DYSF: variants seen among roughly 807,000 people sequenced by gnomAD.
The protein encoded by DYSF is dysferlin.
A neutral mutation model predicts 274.9 loss-of-function variants in DYSF; 212 were observed. That is an observed-to-expected ratio of 0.77 (90% CI 0.69 to 0.86). DYSF has a LOEUF of 0.86. Ranked by LOEUF, DYSF falls within the 40% of genes least tolerant of loss-of-function variation. The probability of loss-of-function intolerance (pLI) is 0.00; values close to 1 mark genes in which losing one functional copy is unlikely to be tolerated. For synonymous variants in DYSF, 1,091 were observed against 1,078.7 expected (o/e 1.01, Z -0.22); for missense variants, 2,666 against 2,783.2 (o/e 0.96, Z 0.95).
chr2:71,545,014 C>A (rs192698426), intron 17 of DYSF, among the ~76,000 whole-genome samples: 2 of 152,060 alleles, frequency 1.3e-5, no homozygotes, highest in African/African-American at 4.8e-5. Flanking sequence ...TAAGTGCCCT[C>A]GAAGAGAAGG....
chr2:71,484,639 A>G (rs558101575), intron 3 of DYSF, among the ~76,000 whole-genome samples: 1 of 152,298 alleles, frequency 6.6e-6, no homozygotes, highest in African/African-American at 2.4e-5. Context: ...TTTTGTATCC[A>G]TTGACCACCT....
chr2:71,558,820 G>T (rs549457902), intron 22 of DYSF, among the ~76,000 whole-genome samples: 2 of 151,080 alleles, frequency 1.3e-5, no homozygotes, highest in African/African-American at 2.4e-5. Flanking sequence ...ATGCCTCTCT[G>T]GGGGGGAATT....
intron 54 of DYSF, 126 bp downstream of exon 54, chr2:71,681,236 C>G (rs139502092): frequency 6.1e-4 from 506 of 834,064 alleles, no homozygotes; most frequent in Non-Finnish European, 3.3e-4. Context: ...AGGGGCACGA[C>G]TCATCCAAGG....
chr2:71,638,117 TAAAA>T (rs576567932), intron 41 of DYSF, among the ~76,000 whole-genome samples: 10 of 146,990 alleles, frequency 6.8e-5, no homozygotes, highest in African/African-American at 2.2e-4. Context: ...CTTGTTCTAT[TAAAA>T]AAAAAAAATT....
chr2:71,663,347 A>C (rs1255769106), intron 45 of DYSF, among the ~76,000 whole-genome samples: 1 of 152,178 alleles, frequency 6.6e-6, no homozygotes, highest in Non-Finnish European at 1.5e-5. Flanking sequence ...TGCTGTCCCC[A>C]GCCCCTGGTT....
At chr2:71,626,620 A>G (rs2094212555) in intron 41 of DYSF, among the ~76,000 whole-genome samples, 2 of 151,860 alleles carry the variant, frequency 1.3e-5, no homozygotes, top group South Asian at 4.1e-4. Context: ...TGCTGGGCTC[A>G]GTTTGCAAAC....
intron 4 of DYSF, 133 bp downstream of exon 4, chr2:71,503,452 AC>A: frequency 1.1e-6 from 1 of 929,126 alleles, no homozygotes; most frequent in Non-Finnish European, 1.7e-6. Context: ...GCCCTCCCTG[AC>A]CAGAGTTTGC....
intron 30 of DYSF, among the ~76,000 whole-genome samples, chr2:71,577,754 C>T (rs889869806): frequency 2.0e-5 from 3 of 152,166 alleles, no homozygotes; most frequent in Non-Finnish European, 2.9e-5. Context: ...TTTGGGCTCC[C>T]GCTGCTGAGC....
At chr2:71,675,557 C>G (rs539075385) in intron 52 of DYSF, among the ~76,000 whole-genome samples, 4 of 152,160 alleles carry the variant, frequency 2.6e-5, no homozygotes, top group South Asian at 2.1e-4. Context: ...ACTGTTCCCC[C>G]GCCCTGCGCA....
At chr2:71,529,226 A>G (rs562163561) in intron 14 of DYSF, among the ~76,000 whole-genome samples, 2 of 152,108 alleles carry the variant, frequency 1.3e-5, no homozygotes, top group Non-Finnish European at 2.9e-5. Context: ...TTCTCTCTCC[A>G]CATCCCACAT....
chr2:71,515,779 A>G (rs1226692008), intron 8 of DYSF, 28 bp downstream of exon 8: 2 of 1,613,684 alleles, frequency 1.2e-6, no homozygotes, highest in African/African-American at 2.7e-5. Flanking sequence ...TGAGGGCCAG[A>G]ACCTTGGTGG....
intron 41 of DYSF, among the ~76,000 whole-genome samples, chr2:71,625,331 A>T (rs1359164438): frequency 1.3e-5 from 2 of 152,078 alleles, no homozygotes; most frequent in Admixed American, 1.3e-4. Flanking sequence ...TTCAGTATTT[A>T]TTTCACCTGG....
intron 45 of DYSF, among the ~76,000 whole-genome samples, chr2:71,663,969 T>G (rs999948175): frequency 9.2e-5 from 14 of 152,202 alleles, no homozygotes; most frequent in Non-Finnish European, 2.9e-5. Context: ...TGTCTCCTGG[T>G]GTCGTGGTCA....
chr2:71,507,570 T>C (rs2085616089), intron 4 of DYSF, among the ~76,000 whole-genome samples: 1 of 152,238 alleles, frequency 6.6e-6, no homozygotes, highest in African/African-American at 2.4e-5. Flanking sequence ...TCTTGAACAG[T>C]GTGTTTGGCC....
chr2:71,534,812 G>T (rs528643769), intron 14 of DYSF, among the ~76,000 whole-genome samples: 7 of 152,270 alleles, frequency 4.6e-5, no homozygotes, highest in Admixed American at 3.3e-4. Flanking sequence ...CCACTCCCCA[G>T]CTCTGGGTCT....
Position 71,572,456 on chromosome 2 carries a change from T to C in DYSF, c.3228+1715T>C, listed in dbSNP as rs144241971. ...AAAGTTCACACACCAACCTGGAAGA[T>C]GGAAAGACACCCATGGACTTTGTCT... On this transcript the variant is annotated intron_variant, in intron 29 of 55. Coordinates refer to ENST00000410020, the MANE Select transcript of DYSF (RefSeq NM_001130987.2). Among the ~76,000 whole-genome samples the C allele has an allele frequency of 8.2e-3, 1,252 of 152,318 alleles. 14 individuals are homozygous for C. Among genetic ancestry groups the C allele is most frequent in the African/African-American group, 0.027 (1,108 of 41,570 alleles).
intron 22 of DYSF, among the ~76,000 whole-genome samples, chr2:71,558,225 AG>A (rs1055491276): frequency 3.3e-5 from 5 of 152,078 alleles, no homozygotes; most frequent in Non-Finnish European, 7.4e-5. Flanking sequence ...GATCCTGGCC[AG>A]GGGGGCTAGG....
intron 29 of DYSF, 148 bp from the exon 30 acceptor site, chr2:71,574,050 G>T: frequency 1.1e-6 from 1 of 918,296 alleles, no homozygotes; most frequent in Non-Finnish European, 1.7e-6. Context: ...CCTCTAGGTG[G>T]CCCTCCCAGG....
intron 3 of DYSF, among the ~76,000 whole-genome samples, chr2:71,489,481 T>C (rs990645262): frequency 2.7e-4 from 41 of 152,228 alleles, no homozygotes; most frequent in African/African-American, 9.9e-4. Context: ...ATCTTCTTCC[T>C]GACATAGGGC....
Sources: allele counts gnomAD v4.1 joint callset (sites outside exome capture counted in the v4.1 genomes callset), GRCh38; gene constraint gnomAD v4.1.1; transcripts MANE v1.5; gene names NCBI Gene and HGNC (gene_info 2026-07-23, HGNC 2026-07-21).